The following CHCHD4 variants were observed in gnomAD, a reference collection of about 807,000 sequenced individuals.
CHCHD4 encodes coiled-coil-helix-coiled-coil-helix domain containing 4.
A neutral mutation model predicts 12.4 loss-of-function variants in CHCHD4; 7 were observed. The ratio of observed to expected loss-of-function variants is 0.57; its 90% CI spans 0.32 to 1.06. CHCHD4 has a LOEUF of 1.06. Ranked by LOEUF, CHCHD4 falls within the 50% of genes least tolerant of loss-of-function variation. CHCHD4 has a pLI of 0.04. For missense variants in CHCHD4, 143 were observed against 175.1 expected (o/e 0.82, Z 1.03); for synonymous variants, 56 against 58.0 (o/e 0.97, Z 0.16).
chr3:14,122,660 T>C (rs1050662016), intron 1 of CHCHD4, among the ~76,000 whole-genome samples: 9 of 152,184 alleles, frequency 5.9e-5, no homozygotes, highest in South Asian at 2.1e-4. Context: ...TGGGCACCCA[T>C]TGTACACCAA....
chr3:14,124,334 C>G (rs1263460250), intron 1 of CHCHD4, among the ~76,000 whole-genome samples: 2 of 152,162 alleles, frequency 1.3e-5, no homozygotes, highest in African/African-American at 2.4e-5. Flanking sequence ...TTCCCAGTTT[C>G]GAGCCACACG....
intron 1 of CHCHD4, among the ~76,000 whole-genome samples, chr3:14,120,632 GC>G (rs1306381307): frequency 6.6e-6 from 1 of 152,154 alleles, no homozygotes. Context: ...ACCACTTGAT[GC>G]CCCCACTGGA....
chr3:14,113,852 G>C (rs1415753703), intron 2 of CHCHD4, among the ~76,000 whole-genome samples: 1 of 152,218 alleles, frequency 6.6e-6, no homozygotes, highest in African/African-American at 2.4e-5. Context: ...CAAGGTTATA[G>C]ATGGGTTTTC....
rs57196972 is a variant in CHCHD4 at position 14,124,780 on chromosome 3, C to G, written c.-104G>C. On this transcript the variant is annotated 5_prime_UTR_variant, in exon 1 of 3. Coordinates refer to ENST00000396914, the MANE Select transcript of CHCHD4 (RefSeq NM_001098502.2). ...CTGGCAGGGCGGGCTCCTCCGAAGC[C>G]CGCGCGGACCCGCCCCCTCCCAGGC... 9 of 1,302,526 alleles carry G rather than the reference C, an allele frequency of 6.9e-6. No individual in the cohort carries two copies. In the South Asian group the frequency reaches 1.2e-4, roughly 17 times the overall value. The allele number at this position is 1,302,526 out of a possible 1,614,324, so 80.7% of individuals were successfully genotyped here.
rs540661166 is a variant in CHCHD4 at position 14,124,643 on chromosome 3, C to T, written c.22+12G>A. The T allele has an allele frequency of 4.0e-6, 6 of 1,514,996 alleles. No homozygotes were observed. In the East Asian group the frequency reaches 1.7e-4, roughly 42 times the overall value. 93.8% of individuals were successfully genotyped at this position (1,514,996 alleles called of 1,614,324 possible). Reference sequence around the variant, plus strand: ...TCGTAGGCCGGTCTCCGTGGCAGCCCGCCCTCCCTACCTTCCTGCCGGCAA... The same window carrying T: ...TCGTAGGCCGGTCTCCGTGGCAGCCTGCCCTCCCTACCTTCCTGCCGGCAA... On this transcript the variant is annotated intron_variant, in intron 1 of 2. Coordinates refer to ENST00000396914, the MANE Select transcript of CHCHD4 (RefSeq NM_001098502.2).
chr3:14,120,617 T>C (rs1694923597), intron 1 of CHCHD4, among the ~76,000 whole-genome samples: 1 of 152,224 alleles, frequency 6.6e-6, no homozygotes, highest in African/African-American at 2.4e-5. Flanking sequence ...ATACTATGTA[T>C]GTTTACCACT....
In CHCHD4 at chr3:14,112,618, T is replaced by A; in HGVS notation, c.*269A>T. The A allele has an allele frequency of 2.7e-6, 1 of 375,968 alleles. No individual in the cohort carries two copies. The highest frequency in any genetic ancestry group is 4.2e-5 in the East Asian group (1 of 23,572). The allele number at this position is 375,968 out of a possible 1,614,324, so 23.3% of individuals were successfully genotyped here. A position where few individuals can be genotyped will look rare whatever the true frequency, so the allele number is the denominator to read the frequency against. ...TAGTTGCTGAGCTTATTCAGCACAT[T>A]ATTTAAAAGTGGCAAAATTCAGGGC... is the stretch of plus-strand genomic sequence containing the variant. On this transcript the variant is annotated 3_prime_UTR_variant, in exon 3 of 3. Coordinates refer to ENST00000396914, the MANE Select transcript of CHCHD4 (RefSeq NM_001098502.2).
chr3:14,116,769 A>G (rs1447399235), intron 1 of CHCHD4, among the ~76,000 whole-genome samples: 1 of 152,200 alleles, frequency 6.6e-6, no homozygotes, highest in Non-Finnish European at 1.5e-5. Context: ...AGGGTTCAGA[A>G]TGCATAAAAG....
At position 14,124,823 on chromosome 3, in the gene CHCHD4, G is replaced by C. The variant is rs563508747; in HGVS notation, c.-147C>G. 5.7e-5 allele frequency: 55 copies of C among 969,042 alleles called. No homozygotes were observed. The highest frequency in any genetic ancestry group is 3.0e-4 in the Admixed American group (10 of 33,804). 60.0% of individuals were successfully genotyped at this position (969,042 alleles called of 1,614,324 possible). ...TCCCAGGCCTGCCCGCCGCGCGCCT[G>C]CCTCGGCGCCCTCGCAACCGCGGCC... is the stretch of plus-strand genomic sequence containing the variant. On this transcript the variant is annotated 5_prime_UTR_variant, in exon 1 of 3. Transcript: ENST00000396914.
intron 2 of CHCHD4, 145 bp downstream of exon 2, chr3:14,116,281 C>A: frequency 1.5e-6 from 1 of 684,062 alleles, no homozygotes; most frequent in Non-Finnish European, 2.7e-6. Context: ...GGAAGATAAA[C>A]CACTGCCCTC....
intron 1 of CHCHD4, among the ~76,000 whole-genome samples, chr3:14,117,545 A>G (rs1486707178): frequency 6.6e-6 from 1 of 152,136 alleles, no homozygotes; most frequent in African/African-American, 2.4e-5. Context: ...CACCTCCCTA[A>G]AAACTTTGGC....
chr3:14,113,290 CTA>C (rs1436959248), intron 2 of CHCHD4, 96 bp from the exon 3 acceptor site: 6 of 973,150 alleles, frequency 6.2e-6, no homozygotes, highest in Non-Finnish European at 9.2e-6. Context: ...AGAACAGGAA[CTA>C]TTGTTGCCTA....
rs1694830708 is a variant in CHCHD4, at chr3:14,112,381, A to G, written c.*506T>C. On this transcript the variant is annotated 3_prime_UTR_variant, in exon 3 of 3. Transcript: ENST00000396914. Reference sequence around the variant, plus strand: ...CCAAAATGTATCAGGAATAAAGTACAGTACCCCTTCACATACTCAAGGTCA... The same window carrying G: ...CCAAAATGTATCAGGAATAAAGTACGGTACCCCTTCACATACTCAAGGTCA... The G allele has an allele frequency of 6.5e-6, 1 of 153,754 alleles. No individual in the cohort carries two copies. The allele number at this position is 153,754 out of a possible 1,614,324, so 9.5% of individuals were successfully genotyped here.
intron 1 of CHCHD4, among the ~76,000 whole-genome samples, chr3:14,123,866 G>A (rs1418118691): frequency 6.6e-6 from 1 of 152,206 alleles, no homozygotes; most frequent in Non-Finnish European, 1.5e-5. Flanking sequence ...CTCTTGGGTA[G>A]AGTAACATCA....
In CHCHD4 at chr3:14,112,556, A is replaced by G. The variant is rs1694832553; in HGVS notation, c.*331T>C. 4.3e-6 allele frequency: 1 copy of G among 232,078 alleles called. No individual in the cohort carries two copies. Among genetic ancestry groups the G allele is most frequent in the African/African-American group, 2.3e-5 (1 of 44,260 alleles). The allele number at this position is 232,078 out of a possible 1,614,324, so 14.4% of individuals were successfully genotyped here. A position where few individuals can be genotyped will look rare whatever the true frequency, so the allele number is the denominator to read the frequency against. ...GGAATATAATGAATCAGAATAAATC[A>G]GCTCACTCACAAGAAACGTTCTTGG... On this transcript the variant is annotated 3_prime_UTR_variant, in exon 3 of 3. Coordinates refer to ENST00000396914, the MANE Select transcript of CHCHD4 (RefSeq NM_001098502.2).
intron 1 of CHCHD4, among the ~76,000 whole-genome samples, chr3:14,121,615 C>A (rs1213583718): frequency 6.6e-6 from 1 of 152,166 alleles, no homozygotes; most frequent in African/African-American, 2.4e-5. Flanking sequence ...TATTTTCTTT[C>A]GTTTTTGGCT....
chr3:14,120,371 C>T (rs188352246), intron 1 of CHCHD4, among the ~76,000 whole-genome samples: 2 of 152,280 alleles, frequency 1.3e-5, no homozygotes, highest in African/African-American at 4.8e-5. Context: ...CCCACCATCA[C>T]TCCCTGCACT....
intron 1 of CHCHD4, chr3:14,121,851 T>C (rs1574932798): frequency 1.2e-6 from 2 of 1,613,050 alleles, no homozygotes; most frequent in East Asian, 4.5e-5. Flanking sequence ...CTGTGAAGAA[T>C]ACACAAATGG....
At chr3:14,115,358 T>C (rs546485585) in intron 2 of CHCHD4, among the ~76,000 whole-genome samples, 5 of 151,174 alleles carry the variant, frequency 3.3e-5, no homozygotes, top group African/African-American at 9.9e-5. Flanking sequence ...TTAATAACAC[T>C]GTGAGGCAAA....
Sources: gnomAD v4.1 joint callset for allele counts (sites outside exome capture counted in the v4.1 genomes callset) on GRCh38, gnomAD v4.1.1 for gene constraint, MANE v1.5 for transcripts, NCBI Gene and HGNC (gene_info 2026-07-23, HGNC 2026-07-21) for gene names.